Variants in ATXN1 observed in about 807,000 individuals in gnomAD.
The protein encoded by ATXN1 is ataxin-1.
Under a neutral mutation model 56.4 loss-of-function variants are expected in ATXN1, and 8 were observed. The observed-to-expected ratio is 0.14, with a 90% confidence interval of 0.08 to 0.26. The LOEUF is 0.26. Ranked by LOEUF, ATXN1 falls within the 10% of genes least tolerant of loss-of-function variation. The pLI is 1.00. For synonymous variants in ATXN1, 514 were observed against 494.6 expected, an observed-to-expected ratio of 1.04 and a Z score of -0.52; for missense variants, 987 against 1,106.5, an observed-to-expected ratio of 0.89 and a Z score of 1.53.
intron 6 of ATXN1, among the ~76,000 whole-genome samples, chr6:16,370,599 T>C (rs963919573): frequency 3.9e-5 from 6 of 152,210 alleles, no homozygotes; most frequent in African/African-American, 1.4e-4. Flanking sequence ...AAACTGCTCC[T>C]AATATCTCCA....
intron 6 of ATXN1, among the ~76,000 whole-genome samples, chr6:16,356,744 T>C (rs1374827364): frequency 1.3e-5 from 2 of 152,356 alleles, no homozygotes; most frequent in Non-Finnish European, 2.9e-5. Context: ...AATCCCTGCA[T>C]ACTAGACAAA....
intron 1 of ATXN1, among the ~76,000 whole-genome samples, chr6:16,758,966 C>T (rs1760973780): frequency 6.6e-6 from 1 of 152,194 alleles, no homozygotes. Context: ...GTGGTTTCCT[C>T]AGACATAAGC....
At chr6:16,352,122 T>C (rs993387035) in intron 6 of ATXN1, among the ~76,000 whole-genome samples, 1 of 152,214 alleles carries the variant, frequency 6.6e-6, no homozygotes, top group Non-Finnish European at 1.5e-5. Flanking sequence ...TTCCCTGCTA[T>C]AGTTTCGCGA....
intron 6 of ATXN1, among the ~76,000 whole-genome samples, chr6:16,383,438 C>T (rs9477101): frequency 0.13 from 20,042 of 151,964 alleles, 1,463 homozygotes; most frequent in African/African-American, 0.19. Flanking sequence ...ATGGGAGAGG[C>T]GATAGAATAT....
intron 4 of ATXN1, among the ~76,000 whole-genome samples, chr6:16,583,986 TAGG>T (rs1328151930): frequency 6.6e-6 from 1 of 151,928 alleles, no homozygotes; most frequent in African/African-American, 2.4e-5. Flanking sequence ...ACTCCTGAAA[TAGG>T]AGTTTTAACG....
At chr6:16,600,389 CT>C (rs370515532) in intron 3 of ATXN1, among the ~76,000 whole-genome samples, 1 of 152,138 alleles carries the variant, frequency 6.6e-6, no homozygotes, top group Non-Finnish European at 1.5e-5. Context: ...GCAGGCATAA[CT>C]TTTTTTGAAA....
At chr6:16,616,109 C>A (rs1763204259) in intron 3 of ATXN1, 1 of 151,904 alleles carries the variant, frequency 6.6e-6, no homozygotes. Flanking sequence ...ATTTGGCATA[C>A]CATCAGGATG....
At chr6:16,344,491 G>A (rs756885246) in intron 6 of ATXN1, among the ~76,000 whole-genome samples, 3 of 152,222 alleles carry the variant, frequency 2.0e-5, no homozygotes, top group East Asian at 1.9e-4. Context: ...GCAGAAGAAC[G>A]TAGAAGGACT....
chr6:16,376,299 G>A (rs1245654913), intron 6 of ATXN1, among the ~76,000 whole-genome samples: 2 of 152,144 alleles, frequency 1.3e-5, no homozygotes, highest in African/African-American at 2.4e-5. Flanking sequence ...AAACCCCAAG[G>A]CACTTTGGAC....
At chr6:16,466,125 G>T (rs1026132789) in intron 6 of ATXN1, among the ~76,000 whole-genome samples, 13 of 151,954 alleles carry the variant, frequency 8.6e-5, no homozygotes, top group East Asian at 1.9e-4. Flanking sequence ...GAACATCCTG[G>T]CTAACACAGT....
chr6:16,457,928 T>C (rs1434403933), intron 6 of ATXN1, among the ~76,000 whole-genome samples: 4 of 152,180 alleles, frequency 2.6e-5, no homozygotes, highest in African/African-American at 4.8e-5. Flanking sequence ...TGGGACCTTC[T>C]CTCTCTCTGA....
intron 2 of ATXN1, among the ~76,000 whole-genome samples, chr6:16,728,598 A>G (rs1759901222): frequency 6.6e-6 from 1 of 152,180 alleles, no homozygotes; most frequent in Non-Finnish European, 1.5e-5. Context: ...GAAAACTCCA[A>G]AGGAGAATGG....
chr6:16,574,339 G>C (rs1258451161), intron 4 of ATXN1, among the ~76,000 whole-genome samples: 1 of 152,258 alleles, frequency 6.6e-6, no homozygotes, highest in African/African-American at 2.4e-5. Context: ...TTGAGTAGCT[G>C]GGATTACAGG....
rs571625080 is a variant in ATXN1, at chr6:16,465,187, G to C, written c.-161+20785C>G. 1.7e-4 allele frequency among the ~76,000 whole-genome samples: 26 copies of C among 152,362 alleles called. 1 individual carries two copies. The South Asian group carries it at 5.4e-3, about 32-fold the overall frequency. ...TAATCAGGCAAGGTGCAACGGCTGG[G>C]TGTGGTAGCTGATGCCTGTAATCCC... is the stretch of plus-strand genomic sequence containing the variant. On this transcript the variant is annotated intron_variant, in intron 6 of 7. Transcript: ENST00000436367.
chr6:16,584,289 TATAC>T (rs1293204725), intron 4 of ATXN1, among the ~76,000 whole-genome samples: 2 of 146,636 alleles, frequency 1.4e-5, no homozygotes, highest in Non-Finnish European at 3.0e-5. Context: ...CATATATATA[TATAC>T]ACACACACAT....
At chr6:16,757,304 T>G (rs1340612927) in intron 1 of ATXN1, among the ~76,000 whole-genome samples, 1 of 152,102 alleles carries the variant, frequency 6.6e-6, no homozygotes, top group African/African-American at 2.4e-5. Flanking sequence ...CCAGGTACAT[T>G]TTTTTATACT....
At chr6:16,319,217 CAA>C (rs796984194) in intron 7 of ATXN1, among the ~76,000 whole-genome samples, 2 of 139,248 alleles carry the variant, frequency 1.4e-5, no homozygotes, top group Non-Finnish European at 1.6e-5. Flanking sequence ...GACCCTATCT[CAA>C]AAAAAAAAAA....
intron 2 of ATXN1, among the ~76,000 whole-genome samples, chr6:16,670,883 TCAC>T (rs1758526343): frequency 1.3e-5 from 2 of 152,338 alleles, no homozygotes; most frequent in Middle Eastern, 3.4e-3. Context: ...CTGCTTCTGC[TCAC>T]CACAACCACA....
intron 6 of ATXN1, among the ~76,000 whole-genome samples, chr6:16,474,156 C>A (rs1388305750): frequency 6.6e-6 from 1 of 152,256 alleles, no homozygotes; most frequent in Non-Finnish European, 1.5e-5. Context: ...CATGTTCTCT[C>A]TTACCTTTGA....
Sources: allele counts gnomAD v4.1 joint callset (sites outside exome capture counted in the v4.1 genomes callset), GRCh38; gene constraint gnomAD v4.1.1; transcripts MANE v1.5; gene names NCBI Gene and HGNC (gene_info 2026-07-23, HGNC 2026-07-21).